ANO1: variants seen among roughly 807,000 people sequenced by gnomAD.
The protein encoded by ANO1 is anoctamin 1.
In ANO1, 59 loss-of-function variants were observed where a neutral mutation model predicts 124.0. The ratio of observed to expected loss-of-function variants is 0.48; its 90% CI spans 0.39 to 0.59. ANO1 has a LOEUF of 0.59. ANO1 is among the 20% of genes least tolerant of loss of function. ANO1 has a pLI of 0.00. For missense variants in ANO1, 1,059 were observed against 1,328.0 expected (o/e 0.80, Z 3.15); for synonymous variants, 529 against 532.0 (o/e 0.99, Z 0.08).
At chr11:69,999,164 C>T (rs1458546093) in intron 1 of ANO1, among the ~76,000 whole-genome samples, 2 of 152,128 alleles carry the variant, frequency 1.3e-5, no homozygotes, top group African/African-American at 4.8e-5. Context: ...GCGGCATCTG[C>T]TCAGCTTCTG....
chr11:70,069,003 T>A (rs1313791357), intron 1 of ANO1, among the ~76,000 whole-genome samples: 1 of 152,228 alleles, frequency 6.6e-6, no homozygotes, highest in East Asian at 1.9e-4. Context: ...CTACAAAGGC[T>A]GGGCTTCATG....
At chr11:70,074,812 C>A (rs2044038524), upstream of ANO1, 1 of 152,254 alleles carries the variant, frequency 6.6e-6, no homozygotes. Context: ...CCACACTGCA[C>A]AAGCCAGCTC....
At chr11:70,125,516 CAA>C (rs112512145) in intron 9 of ANO1, among the ~76,000 whole-genome samples, 15 of 86,766 alleles carry the variant, frequency 1.7e-4, no homozygotes, top group Non-Finnish European at 2.1e-4. Flanking sequence ...AACTCTATCT[CAA>C]AAAAAAAAAA....
At chr11:70,073,105 T>C (rs1472525780) in intron 1 of ANO1, among the ~76,000 whole-genome samples, 1 of 152,188 alleles carries the variant, frequency 6.6e-6, no homozygotes, top group Non-Finnish European at 1.5e-5. Flanking sequence ...CCAGGCAATC[T>C]GGAACTTTTA....
At chr11:70,001,635 A>C (rs868913848) in intron 1 of ANO1, among the ~76,000 whole-genome samples, 2 of 152,334 alleles carry the variant, frequency 1.3e-5, no homozygotes, top group South Asian at 4.1e-4. Context: ...ATCCATGGGG[A>C]TAGAAACCAG....
chr11:70,138,752 C>CA (rs1565239254), intron 11 of ANO1, among the ~76,000 whole-genome samples: 1 of 149,914 alleles, frequency 6.7e-6, no homozygotes, highest in Non-Finnish European at 1.5e-5. Context: ...TTTTTCATAA[C>CA]TTTTTTTTTT....
intron 1 of ANO1, among the ~76,000 whole-genome samples, chr11:69,987,933 C>G (rs1318179921): frequency 6.6e-6 from 1 of 152,218 alleles, no homozygotes; most frequent in Non-Finnish European, 1.5e-5. Flanking sequence ...GGAGAGCAGG[C>G]CTTTCCTGTC....
At chr11:70,186,352 G>GGAAGGAAGGAAGGAAGGA (rs2049120748) in intron 25 of ANO1, among the ~76,000 whole-genome samples, 18 of 126,898 alleles carry the variant, frequency 1.4e-4, no homozygotes, top group African/African-American at 5.3e-4. Flanking sequence ...GAGGGGGAGG[G>GGAAGGAAGGAAGGAAGGA]AGGAAGGAAG....
chr11:70,109,103 A>G (rs894509474), intron 6 of ANO1, among the ~76,000 whole-genome samples: 1 of 152,116 alleles, frequency 6.6e-6, no homozygotes, highest in South Asian at 2.1e-4. Context: ...CTGTCTTATG[A>G]CCTGCTGAGA....
At chr11:70,163,182 G>T in intron 18 of ANO1, 101 bp from the exon 19 acceptor site, 1 of 1,271,848 alleles carries the variant, frequency 7.9e-7, no homozygotes, top group South Asian at 1.5e-5. Flanking sequence ...TCGAGGCTCA[G>T]CCTGCAGGAC....
intron 25 of ANO1, 82 bp from the exon 26 acceptor site, chr11:70,187,656 C>T: frequency 6.7e-7 from 1 of 1,496,194 alleles, no homozygotes; most frequent in Non-Finnish European, 9.0e-7. Context: ...GGCACTCCAC[C>T]AGATGGGGGC....
At chr11:70,049,586 T>C (rs1419350299) in intron 1 of ANO1, among the ~76,000 whole-genome samples, 2 of 89,948 alleles carry the variant, frequency 2.2e-5, no homozygotes, top group Non-Finnish European at 4.9e-5. Context: ...GGATAAATGC[T>C]AAAAGGTAAT....
intron 1 of ANO1, among the ~76,000 whole-genome samples, chr11:70,043,979 C>T (rs888667191): frequency 6.6e-6 from 1 of 151,086 alleles, no homozygotes; most frequent in Non-Finnish European, 1.5e-5. Flanking sequence ...GCTGTTTATA[C>T]CAAAAATAAT....
chr11:70,130,995 A>G (rs1171145812), intron 10 of ANO1, among the ~76,000 whole-genome samples: 1 of 152,240 alleles, frequency 6.6e-6, no homozygotes, highest in Non-Finnish European at 1.5e-5. Flanking sequence ...CCTGGCACAG[A>G]GCAAGGGCCC....
chr11:69,990,723 C>T (rs573378505), intron 1 of ANO1, among the ~76,000 whole-genome samples: 1 of 145,334 alleles, frequency 6.9e-6, no homozygotes, highest in South Asian at 2.1e-4. Context: ...TTGATTTTCA[C>T]TGCCTAATCA....
At chr11:70,010,095 C>T (rs1856562949) in intron 1 of ANO1, among the ~76,000 whole-genome samples, 1 of 149,808 alleles carries the variant, frequency 6.7e-6, no homozygotes, top group East Asian at 2.0e-4. Flanking sequence ...CTGTGAATAT[C>T]CTTATTTCAT....
the ANO1 span, among the ~76,000 whole-genome samples, chr11:69,976,490 GAGC>G: frequency 8.3e-6 from 1 of 120,612 alleles, no homozygotes; most frequent in African/African-American, 3.4e-5. Flanking sequence ...CTGGGCGAAA[GAGC>G]AAAACTCCGT....
intron 2 of ANO1, among the ~76,000 whole-genome samples, chr11:70,094,516 A>G (rs1250006957): frequency 6.6e-6 from 1 of 152,156 alleles, no homozygotes. Flanking sequence ...AGCAATAAAC[A>G]TGCTCATGAG....
intron 21 of ANO1, among the ~76,000 whole-genome samples, chr11:70,168,661 G>T (rs996789880): frequency 6.6e-6 from 1 of 152,130 alleles, no homozygotes. Flanking sequence ...CAGTGCCCTG[G>T]CCACCAAGGT....
Sources: allele counts gnomAD v4.1 joint callset (sites outside exome capture counted in the v4.1 genomes callset), GRCh38; gene constraint gnomAD v4.1.1; transcripts MANE v1.5; gene names NCBI Gene and HGNC (gene_info 2026-07-23, HGNC 2026-07-21).